WWOX: variants seen among roughly 807,000 people sequenced by gnomAD.
WWOX encodes WW domain containing oxidoreductase.
A neutral mutation model predicts 46.2 loss-of-function variants in WWOX; 69 were observed. The ratio of observed to expected loss-of-function variants is 1.49; its 90% CI spans 1.23 to 1.82. The LOEUF is 1.82. WWOX is among the 40% of genes most tolerant of loss of function. WWOX has a pLI of 0.00. For missense variants in WWOX, 919 were observed against 542.6 expected (o/e 1.69, Z -6.89); for synonymous variants, 359 against 202.6 (o/e 1.77, Z -6.56).
At chr16:78,880,080 G>T (rs139295839) in intron 8 of WWOX, among the ~76,000 whole-genome samples, 3 of 152,132 alleles carry the variant, frequency 2.0e-5, no homozygotes, top group African/African-American at 7.2e-5. Context: ...TGATGATACC[G>T]TATGCAACTT....
intron 8 of WWOX, among the ~76,000 whole-genome samples, chr16:78,827,332 G>A (rs569125600): frequency 1.3e-5 from 2 of 152,244 alleles, no homozygotes; most frequent in South Asian, 2.1e-4. Flanking sequence ...GAAGCACGAT[G>A]ATCTTGACCA....
chr16:78,635,642 A>G (rs954046446), intron 8 of WWOX, among the ~76,000 whole-genome samples: 4 of 152,132 alleles, frequency 2.6e-5, no homozygotes, highest in Non-Finnish European at 1.5e-5. Context: ...AAGTGCTAAA[A>G]ATGCTTGACC....
chr16:78,124,540 C>G (rs935057250), intron 4 of WWOX, among the ~76,000 whole-genome samples: 2 of 152,062 alleles, frequency 1.3e-5, no homozygotes, highest in Non-Finnish European at 2.9e-5. Context: ...AATTAAGGCA[C>G]CAGTAGATGG....
chr16:78,762,978 T>C (rs1382753717), intron 8 of WWOX, among the ~76,000 whole-genome samples: 1 of 152,112 alleles, frequency 6.6e-6, no homozygotes. Flanking sequence ...ATTTTCCTGG[T>C]GGGGGGACCA....
intron 8 of WWOX, among the ~76,000 whole-genome samples, chr16:78,927,107 C>A (rs544762942): frequency 6.6e-6 from 1 of 152,192 alleles, no homozygotes; most frequent in African/African-American, 2.4e-5. Flanking sequence ...AGGCACCATT[C>A]TTGACTGCGA....
intron 8 of WWOX, among the ~76,000 whole-genome samples, chr16:78,476,070 C>T (rs1223548209): frequency 6.6e-6 from 1 of 152,168 alleles, no homozygotes; most frequent in Non-Finnish European, 1.5e-5. Context: ...ACAGGAATTG[C>T]CCCTGGAATC....
At chr16:79,183,271 G>T (rs2050948492) in intron 8 of WWOX, among the ~76,000 whole-genome samples, 1 of 152,162 alleles carries the variant, frequency 6.6e-6, no homozygotes, top group Non-Finnish European at 1.5e-5. Flanking sequence ...CAAGGTCAAG[G>T]CTCCCTGTGA....
chr16:78,591,040 A>ATCATTT (rs1472481411), intron 8 of WWOX, among the ~76,000 whole-genome samples: 4 of 152,184 alleles, frequency 2.6e-5, no homozygotes, highest in Non-Finnish European at 5.9e-5. Flanking sequence ...AAAATGTGTT[A>ATCATTT]TCTGCCCTAG....
intron 8 of WWOX, among the ~76,000 whole-genome samples, chr16:79,073,180 A>ATTATTG (rs2048584452): frequency 6.8e-6 from 1 of 147,258 alleles, no homozygotes; most frequent in East Asian, 2.0e-4. Flanking sequence ...TATTATTATT[A>ATTATTG]TTATTATTAT....
chr16:78,443,135 CAAAA>C (rs759618827), intron 8 of WWOX, among the ~76,000 whole-genome samples: 5 of 40,290 alleles, frequency 1.2e-4, no homozygotes, highest in Non-Finnish European at 1.5e-4. Flanking sequence ...GACTCCATCT[CAAAA>C]AAAAAAAAAA....
At chr16:79,038,362 G>A (rs2047907905) in intron 8 of WWOX, among the ~76,000 whole-genome samples, 1 of 152,048 alleles carries the variant, frequency 6.6e-6, no homozygotes, top group African/African-American at 2.4e-5. Context: ...ACAACATTAG[G>A]TGGAAAACGA....
chr16:78,228,932 C>G (rs191093881), intron 5 of WWOX, among the ~76,000 whole-genome samples: 2 of 152,254 alleles, frequency 1.3e-5, no homozygotes, highest in East Asian at 3.9e-4. Flanking sequence ...TGCGGAAGGT[C>G]AAATCTAACA....
At chr16:78,420,923 C>G (rs2082913034) in intron 6 of WWOX, among the ~76,000 whole-genome samples, 1 of 152,066 alleles carries the variant, frequency 6.6e-6, no homozygotes, top group East Asian at 1.9e-4. Context: ...GGGTATGAAT[C>G]ACACATATTA....
In WWOX at chr16:78,894,546, C is replaced by T. The variant is rs548527553; in HGVS notation, c.1057-317062C>T. Among the ~76,000 whole-genome samples, 5 of 152,224 alleles carry T rather than the reference C, an allele frequency of 3.3e-5. No individual in the cohort carries two copies. In the East Asian group the frequency reaches 7.7e-4, roughly 24 times the overall value. On this transcript the variant is annotated intron_variant, in intron 8 of 8. Coordinates refer to ENST00000566780, the MANE Select transcript of WWOX (RefSeq NM_016373.4). ...CTAGTTCATTGCTGCAGCTGTAATC[C>T]AGCCTGATTCTAATTTTCAACTGGA...
intron 8 of WWOX, among the ~76,000 whole-genome samples, chr16:79,023,039 C>T (rs1597290255): frequency 6.6e-6 from 1 of 150,580 alleles, no homozygotes; most frequent in African/African-American, 2.5e-5. Context: ...CTGCTGTTGG[C>T]TTATTGAAAA....
chr16:78,558,202 T>G (rs1235318149), intron 8 of WWOX, among the ~76,000 whole-genome samples: 2 of 152,110 alleles, frequency 1.3e-5, no homozygotes, highest in Non-Finnish European at 2.9e-5. Flanking sequence ...TTATTTTCAG[T>G]GTTTTTGCCC....
chr16:78,751,459 TTTTATA>T (rs368413018), intron 8 of WWOX, among the ~76,000 whole-genome samples: 5,334 of 62,536 alleles, frequency 0.085, 256 homozygotes, highest in African/African-American at 0.26. Context: ...ATTTATCAGA[TTTTATA>T]TATATATATA....
intron 8 of WWOX, among the ~76,000 whole-genome samples, chr16:78,945,049 G>A (rs185175704): frequency 1.9e-4 from 29 of 152,130 alleles, no homozygotes; most frequent in South Asian, 6.2e-4. Context: ...GCATGGTGGC[G>A]TACACCTGTA....
chr16:78,113,511 T>G (rs1225662548), intron 3 of WWOX, among the ~76,000 whole-genome samples: 2 of 152,202 alleles, frequency 1.3e-5, no homozygotes, highest in Non-Finnish European at 2.9e-5. Context: ...GCTCCTGGTC[T>G]AATCTAGAGG....
Sources: gnomAD v4.1 joint callset for allele counts (sites outside exome capture counted in the v4.1 genomes callset) on GRCh38, gnomAD v4.1.1 for gene constraint, MANE v1.5 for transcripts, NCBI Gene and HGNC (gene_info 2026-07-23, HGNC 2026-07-21) for gene names.